Variants in MIA2 observed in about 807,000 individuals in gnomAD.
The protein encoded by MIA2 is melanoma inhibitory activity protein 2.
In MIA2, 127 loss-of-function variants were observed where a neutral mutation model predicts 167.8. The observed-to-expected ratio is 0.76, with a 90% CI of 0.66 to 0.88. The LOEUF (loss-of-function observed/expected upper bound fraction) is 0.88, where lower values mean the gene tolerates loss of function less well. MIA2 is among the 40% of genes least tolerant of loss of function. MIA2 has a pLI of 0.00. For synonymous variants in MIA2, 552 were observed against 541.9 expected, an observed-to-expected ratio of 1.02 and a Z score of -0.26; for missense variants, 1,690 against 1,624.7, an observed-to-expected ratio of 1.04 and a Z score of -0.69.
downstream of MIA2, among the ~76,000 whole-genome samples, chr14:39,352,536 G>GA (rs1005799699): frequency 6.6e-6 from 1 of 151,830 alleles, no homozygotes; most frequent in Non-Finnish European, 1.5e-5. Flanking sequence ...TCAGAATTTG[G>GA]AGTATAGTCA....
At chr14:39,330,533 G>C (rs1386450926) in intron 25 of MIA2, among the ~76,000 whole-genome samples, 1 of 152,034 alleles carries the variant, frequency 6.6e-6, no homozygotes, top group Non-Finnish European at 1.5e-5. Context: ...TACTTCTGTA[G>C]TTCTTTTAAT....
chr14:39,296,933 G>A (rs1317392157), intron 13 of MIA2, among the ~76,000 whole-genome samples: 2 of 146,190 alleles, frequency 1.4e-5, no homozygotes, highest in Non-Finnish European at 1.5e-5. Flanking sequence ...CTGCCACCAC[G>A]CCCGGCTAAT....
chr14:39,319,297 C>A lies in MIA2; in HGVS notation c.3367+6C>A. 1 of 1,237,706 alleles carries A rather than the reference C, an allele frequency of 8.1e-7. No homozygotes were observed. The highest frequency in any genetic ancestry group is 1.1e-6 in the Non-Finnish European group (1 of 932,688). 76.7% of individuals were successfully genotyped at this position (1,237,706 alleles called of 1,614,324 possible). On this transcript the variant is annotated splice_donor_region_variant and intron_variant, in intron 23 of 28. Coordinates refer to ENST00000640607, the MANE Select transcript of MIA2 (RefSeq NM_001329214.4). ...AAATACAGCATTTGGCAGAGGTAGT[C>A]TTTTTTTTTTTACCCCTCATTTAAA...
In MIA2 at chr14:39,308,607, C is replaced by T. The variant is rs201414738; in HGVS notation, c.3017+20C>T. The T allele has an allele frequency of 5.3e-6, 8 of 1,508,732 alleles. No individual in the cohort carries two copies. The highest frequency in any genetic ancestry group is 1.4e-5 in the African/African-American group (1 of 69,922). The allele number at this position is 1,508,732 out of a possible 1,614,324, so 93.5% of individuals were successfully genotyped here. A position where few individuals can be genotyped will look rare whatever the true frequency, so the allele number is the denominator to read the frequency against. On this transcript the variant is annotated intron_variant, in intron 18 of 28. Coordinates refer to ENST00000640607, the MANE Select transcript of MIA2 (RefSeq NM_001329214.4). Reference sequence around the variant, plus strand: ...CCACAGGTAATAAAAATTATGTTAACTCCATTGAACAGCAAGTAAAATAGC... The same window carrying T: ...CCACAGGTAATAAAAATTATGTTAATTCCATTGAACAGCAAGTAAAATAGC...
intron 23 of MIA2, chr14:39,386,133 T>G (rs2075270016): frequency 1.5e-6 from 2 of 1,318,184 alleles, no homozygotes; most frequent in Non-Finnish European, 2.2e-6. Context: ...CATCTGACTC[T>G]GAACTAGAGT....
intron 7 of MIA2, among the ~76,000 whole-genome samples, 177 bp from the exon 8 acceptor site, chr14:39,279,160 C>CAAAAA (rs71435634): frequency 1.0e-5 from 1 of 96,408 alleles, no homozygotes. Flanking sequence ...GACTCTGTCT[C>CAAAAA]AAAAAAAAAA....
chr14:39,377,227 G>C (rs181000218), intron 23 of MIA2, among the ~76,000 whole-genome samples: 27 of 149,750 alleles, frequency 1.8e-4, no homozygotes, highest in East Asian at 3.9e-4. Flanking sequence ...GAGAACATAG[G>C]GGGAGGAAGA....
At chr14:39,266,564 G>T (rs1218946764) in intron 6 of MIA2, 7 of 985,372 alleles carry the variant, frequency 7.1e-6, no homozygotes, top group Non-Finnish European at 8.4e-6. Flanking sequence ...CTCTTGCGTG[G>T]GACAGGTTAA....
At chr14:39,266,733 G>C in intron 6 of MIA2, 1 of 985,378 alleles carries the variant, frequency 1.0e-6, no homozygotes, top group Non-Finnish European at 1.2e-6. Flanking sequence ...GTCTCCCGGG[G>C]TACGCCGCCG....
downstream of MIA2, among the ~76,000 whole-genome samples, chr14:39,352,097 C>T (rs1258538379): frequency 6.6e-6 from 1 of 151,914 alleles, no homozygotes; most frequent in Non-Finnish European, 1.5e-5. Context: ...ACAATTTCCC[C>T]TTCTTACTGT....
intron 14 of MIA2, among the ~76,000 whole-genome samples, chr14:39,301,093 T>C: frequency 6.6e-6 from 1 of 150,876 alleles, no homozygotes; most frequent in African/African-American, 2.4e-5. Flanking sequence ...GGACTTTCAA[T>C]CTTGTCACCT....
At chr14:39,255,953 A>T (rs968258893) in intron 6 of MIA2, among the ~76,000 whole-genome samples, 3 of 152,218 alleles carry the variant, frequency 2.0e-5, no homozygotes, top group African/African-American at 7.2e-5. Flanking sequence ...TGAAAATTCC[A>T]ATAACAGAAG....
intron 9 of MIA2, among the ~76,000 whole-genome samples, chr14:39,286,865 CTGTG>C (rs34075444): frequency 0.56 from 79,413 of 141,882 alleles, 21,783 homozygotes; most frequent in South Asian, 0.65. Context: ...GGCTATTTTT[CTGTG>C]TGTGTGTGTG....
intron 26 of MIA2, 186 bp from the exon 27 acceptor site, chr14:39,347,527 A>AAGAG (rs2073559243): frequency 1.7e-6 from 1 of 587,580 alleles, no homozygotes. Flanking sequence ...CCATCATAGA[A>AAGAG]CTCTGAGTCT....
At chr14:39,381,033 AAAAC>A (rs1370119880) in intron 23 of MIA2, among the ~76,000 whole-genome samples, 58 of 152,100 alleles carry the variant, frequency 3.8e-4, no homozygotes, top group South Asian at 1.2e-3. Flanking sequence ...AAAAAAAAAA[AAAAC>A]AAAGGTAACA....
intron 9 of MIA2, among the ~76,000 whole-genome samples, chr14:39,285,494 G>T (rs1365621345): frequency 6.8e-6 from 1 of 146,830 alleles, no homozygotes; most frequent in Non-Finnish European, 1.5e-5. Flanking sequence ...CCTCCCTCCC[G>T]GACGGGGCGG....
chr14:39,381,316 GAGAA>G (rs778746537), intron 23 of MIA2, among the ~76,000 whole-genome samples: 10 of 152,198 alleles, frequency 6.6e-5, no homozygotes, highest in African/African-American at 9.6e-5. Context: ...GATTCTAGGA[GAGAA>G]AGAAAGCATA....
chr14:39,276,982 G>C lies in MIA2; in HGVS notation c.1936G>C (p.Gly646Arg). 2 of 1,613,838 alleles carry C rather than the reference G, an allele frequency of 1.2e-6. No homozygotes were observed. Among genetic ancestry groups the C allele is most frequent in the Non-Finnish European group, 8.5e-7 (1 of 1,179,874 alleles). ...TATGAGACCAGATTCTAATCTTTAT[G>C]GTTTTCCATGGGAATTGGTGATATG... Reference protein sequence around the residue: ...EGMRPDSNLYGFPWELVICAA... With the variant: ...EGMRPDSNLYRFPWELVICAA... The change falls in exon 7 of 29, where the codon GGT becomes CGT. Residue 646 changes from glycine (G) to arginine (R), a missense_variant. Gly to Arg is a moderately radical substitution (Grantham distance 125, BLOSUM62 -2). Coordinates refer to ENST00000640607, the MANE Select transcript of MIA2 (RefSeq NM_001329214.4).
intron 15 of MIA2, among the ~76,000 whole-genome samples, chr14:39,302,584 A>T (rs186055272): frequency 6.6e-6 from 1 of 152,294 alleles, no homozygotes; most frequent in Non-Finnish European, 1.5e-5. Context: ...AATCAAATGG[A>T]TGAATGACTA....
Sources: gnomAD v4.1 joint callset for allele counts (sites outside exome capture counted in the v4.1 genomes callset) on GRCh38, gnomAD v4.1.1 for gene constraint, MANE v1.5 for transcripts, NCBI Gene and HGNC (gene_info 2026-07-23, HGNC 2026-07-21) for gene names.